GDNF: variants seen among roughly 807,000 people sequenced by gnomAD.
GDNF encodes the protein glial cell derived neurotrophic factor.
GDNF carries 5 observed loss-of-function variants against 13.7 expected under a neutral mutation model. The observed-to-expected ratio is 0.36, with a 90% CI of 0.19 to 0.77. The LOEUF (loss-of-function observed/expected upper bound fraction) is 0.77. GDNF is among the 30% of genes least tolerant of loss of function. The pLI is 0.51. For missense variants in GDNF, 246 were observed against 274.3 expected (o/e 0.90, Z 0.73); for synonymous variants, 122 against 112.5 (o/e 1.08, Z -0.53).
At chr5:37,828,037 T>G (rs1750389138) in intron 2 of GDNF, among the ~76,000 whole-genome samples, 1 of 152,266 alleles carries the variant, frequency 6.6e-6, no homozygotes, top group East Asian at 1.9e-4. Flanking sequence ...CAAAAGTGGG[T>G]TTTGCCTCTA....
chr5:37,827,429 A>G (rs1266922464), intron 2 of GDNF, among the ~76,000 whole-genome samples: 1 of 152,238 alleles, frequency 6.6e-6, no homozygotes, highest in East Asian at 1.9e-4. Context: ...TCAGAAAAAA[A>G]CGAGGCAAAA....
intron 2 of GDNF, among the ~76,000 whole-genome samples, chr5:37,830,573 TC>T (rs1750488630): frequency 6.6e-6 from 1 of 152,102 alleles, no homozygotes; most frequent in Admixed American, 6.5e-5. Flanking sequence ...GCTGCTGAAA[TC>T]CCACTATTTA....
intron 2 of GDNF, among the ~76,000 whole-genome samples, chr5:37,827,674 G>T (rs1418053155): frequency 6.6e-6 from 1 of 152,174 alleles, no homozygotes; most frequent in East Asian, 1.9e-4. Flanking sequence ...AGTTGTCATG[G>T]GGTGTATATT....
intron 2 of GDNF, among the ~76,000 whole-genome samples, chr5:37,827,821 A>G (rs1248419117): frequency 6.6e-6 from 1 of 152,250 alleles, no homozygotes; most frequent in Admixed American, 6.5e-5. Context: ...CCAAAAGAAT[A>G]TTTAAAGCAT....
chr5:37,816,162 C>T (rs761665967), intron 2 of GDNF, 27 bp from the exon 3 acceptor site: 1 of 1,611,702 alleles, frequency 6.2e-7, no homozygotes, highest in South Asian at 1.1e-5. Context: ...GAGAAAATGG[C>T]ACATGAGACA....
At chr5:37,818,668 A>G (rs1010233455) in intron 2 of GDNF, among the ~76,000 whole-genome samples, 3 of 152,196 alleles carry the variant, frequency 2.0e-5, no homozygotes, top group Admixed American at 1.3e-4. Flanking sequence ...CTTGAGAACT[A>G]TAGCTTAAAC....
At chr5:37,826,430 T>A (rs1026742563) in intron 2 of GDNF, among the ~76,000 whole-genome samples, 2 of 152,186 alleles carry the variant, frequency 1.3e-5, no homozygotes, top group African/African-American at 4.8e-5. Flanking sequence ...CCCTACTTAG[T>A]CTAGCATGTT....
At chr5:37,823,053 A>T (rs982196723) in intron 2 of GDNF, among the ~76,000 whole-genome samples, 1 of 152,244 alleles carries the variant, frequency 6.6e-6, no homozygotes, top group African/African-American at 2.4e-5. Flanking sequence ...TTACCAGTGT[A>T]AAGGTGGAAT....
Position 37,839,895 on chromosome 5 carries a change from C to G in GDNF, c.-415G>C, listed in dbSNP as rs932726615. On this transcript the variant is annotated 5_prime_UTR_variant, in exon 1 of 3. Transcript: ENST00000326524. The surrounding 1 kb of genome is among the most constrained non-coding windows in gnomAD (Gnocchi z 5.5). The stretch of plus-strand genomic sequence containing the variant: ...GCGGCAGCTGCCGCGCTCTGCGCCT[C>G]CTCTGGGCGCACTGCCTGGGAGCAC... 6.6e-6 allele frequency: 1 copy of G among 152,380 alleles called. No homozygotes were observed. The highest frequency in any genetic ancestry group is 2.4e-5 in the African/African-American group (1 of 41,444). The allele number at this position is 152,380 out of a possible 1,614,324, so 9.4% of individuals were successfully genotyped here. A position where few individuals can be genotyped will look rare whatever the true frequency, so the allele number is the denominator to read the frequency against.
chr5:37,818,695 C>T (rs551357239), intron 2 of GDNF, among the ~76,000 whole-genome samples: 2 of 152,114 alleles, frequency 1.3e-5, no homozygotes, highest in Admixed American at 6.6e-5. Context: ...GAACTCAGGG[C>T]CTTTGTGCTG....
At chr5:37,822,376 G>C (rs1750169549) in intron 2 of GDNF, among the ~76,000 whole-genome samples, 1 of 152,228 alleles carries the variant, frequency 6.6e-6, no homozygotes, top group South Asian at 2.1e-4. Flanking sequence ...TGCCTGGAAG[G>C]GTGAGGGCTA....
rs1750635062 is a variant in GDNF at position 37,834,635 on chromosome 5, A to G, written c.151+11T>C. 6.5e-7 allele frequency: 1 copy of G among 1,530,204 alleles called. No individual in the cohort carries two copies. The highest frequency in any genetic ancestry group is 8.8e-7 in the Non-Finnish European group (1 of 1,142,516). The allele number at this position is 1,530,204 out of a possible 1,614,324, so 94.8% of individuals were successfully genotyped here. ...CCGGCGGCCCCCCCGCGGGGAGGGA[A>G]CGGTTCTTACAGTCACTGCTCAGCG... On this transcript the variant is annotated intron_variant, in intron 2 of 2. Coordinates refer to ENST00000326524, the MANE Select transcript of GDNF (RefSeq NM_000514.4).
rs141837966 is a variant in GDNF at position 37,815,995 on chromosome 5, C to A, written c.292G>T (p.Ala98Ser). The A allele has an allele frequency of 2.9e-4, 467 of 1,613,768 alleles. 1 individual carries two copies. The highest frequency in any genetic ancestry group is 3.2e-4 in the Admixed American group (19 of 59,990). ...TTTCCTCTGGAATTCTCTGGGTTGG[C>A]AGCTGCAGCCTGCCGATTCCGCTCT... Reference protein sequence around the residue: ...RRERNRQAAAANPENSRGKGR... With the variant: ...RRERNRQAAASNPENSRGKGR... The change falls in exon 3 of 3, where the codon GCC becomes TCC. Residue 98 changes from alanine to serine, a missense_variant. Physicochemically the swap from Ala to Ser is moderately conservative, Grantham distance 99. Transcript: ENST00000326524. The surrounding 1 kb of genome is among the most constrained non-coding windows in gnomAD (Gnocchi z 5.0).
In GDNF at chr5:37,816,056, C is replaced by G. The variant is rs767458761; in HGVS notation, c.231G>C (p.Arg77Ser). The G allele has an allele frequency of 3.1e-6, 5 of 1,613,504 alleles. No individual in the cohort carries two copies. Among genetic ancestry groups the G allele is most frequent in the Admixed American group, 1.7e-5 (1 of 59,954 alleles). The change falls in exon 3 of 3, where the codon AGG becomes AGC. Residue 77 changes from arginine to serine, a missense_variant. Arg to Ser is a moderately radical substitution (Grantham distance 110). Coordinates refer to ENST00000326524, the MANE Select transcript of GDNF (RefSeq NM_000514.4). ...FIQATIKRLK[R>S]SPDKQMAVLP... ...GCACTGCCATTTGTTTATCTGGTGACCTTTTCAGTCTTTTAATGGTGGCTT... is the reference window on the plus strand; with the variant it reads ...GCACTGCCATTTGTTTATCTGGTGAGCTTTTCAGTCTTTTAATGGTGGCTT...
At chr5:37,835,729 A>G in intron 1 of GDNF, 1 of 1,350,004 alleles carries the variant, frequency 7.4e-7, no homozygotes, top group Non-Finnish European at 1.0e-6. Context: ...TGCACCTTTG[A>G]GAGATTCTGG....
rs1040778372 is a variant in GDNF at position 37,813,968 on chromosome 5, CT to C, written c.*1682del. The C allele has an allele frequency of 6.5e-6, 1 of 152,960 alleles. No homozygotes were observed. Among genetic ancestry groups the C allele is most frequent in the African/African-American group, 2.4e-5 (1 of 41,466 alleles). 9.5% of individuals were successfully genotyped at this position (152,960 alleles called of 1,614,324 possible). A position where few individuals can be genotyped will look rare whatever the true frequency, so the allele number is the denominator to read the frequency against. Reference sequence around the variant, plus strand: ...CCTCAGCACCCTTCTCAGCCATCTGCTCCCCAGGGAGCTGTCAGGTGTTTGG... The same window carrying C: ...CCTCAGCACCCTTCTCAGCCATCTGCCCCCAGGGAGCTGTCAGGTGTTTGG... On this transcript the variant is annotated 3_prime_UTR_variant, in exon 3 of 3. Transcript: ENST00000326524.
intron 1 of GDNF, among the ~76,000 whole-genome samples, chr5:37,836,020 G>T (rs986127703): frequency 9.9e-5 from 15 of 152,052 alleles, no homozygotes; most frequent in Non-Finnish European, 1.2e-4. Context: ...GAGGAGACGG[G>T]GAAGAACCGA....
chr5:37,836,763 G>T (rs957170131), intron 1 of GDNF, among the ~76,000 whole-genome samples: 1 of 152,234 alleles, frequency 6.6e-6, no homozygotes, highest in African/African-American at 2.4e-5. Flanking sequence ...TCCAAATCGC[G>T]GTGCCCGCCA....
At chr5:37,819,444 C>CTTTTTTTTT (rs529362873) in intron 2 of GDNF, among the ~76,000 whole-genome samples, 43 of 126,206 alleles carry the variant, frequency 3.4e-4, no homozygotes, top group East Asian at 6.8e-4. Flanking sequence ...GTGCTCTTTT[C>CTTTTTTTTT]TTTTTTTTTT....
Sources: gnomAD v4.1 joint callset for allele counts (sites outside exome capture counted in the v4.1 genomes callset) on GRCh38, gnomAD v4.1.1 for gene constraint, Gnocchi (gnomAD v3.1) non-coding constraint, MANE v1.5 for transcripts, NCBI Gene and HGNC (gene_info 2026-07-23, HGNC 2026-07-21) for gene names.